Variants in POU5F1B observed in about 807,000 individuals in gnomAD.
POU5F1B encodes POU domain, class 5, transcription factor 1B.
In POU5F1B, 24 loss-of-function variants were observed where a neutral mutation model predicts 28.1. That is an observed-to-expected ratio of 0.85 (90% confidence interval 0.62 to 1.20). POU5F1B has a LOEUF of 1.20. POU5F1B is among the 50% of genes most tolerant of loss of function. The probability of loss-of-function intolerance (pLI) is 0.00; values close to 1 mark genes in which losing one functional copy is unlikely to be tolerated. For synonymous variants in POU5F1B, 220 were observed against 193.2 expected, an observed-to-expected ratio of 1.14 and a Z score of -1.15; for missense variants, 451 against 451.5, an observed-to-expected ratio of 1.00 and a Z score of 0.01.
intron 1 of POU5F1B, chr8:127,414,868 C>T (rs1586474402): frequency 6.6e-6 from 1 of 152,248 alleles, no homozygotes; most frequent in African/African-American, 2.4e-5. Flanking sequence ...GTGGCTTCTT[C>T]CCTGCTCTCT....
exon 3 of POU5F1B, chr8:127,416,902 C>T (rs761284971): frequency 3.4e-5 from 55 of 1,600,364 alleles, no homozygotes; most frequent in Non-Finnish European, 4.3e-5. Flanking sequence ...AGTCTTTCCC[C>T]CAGTCTCCGT....
At chr8:127,414,412 T>G (rs1815101452) in intron 1 of POU5F1B, among the ~76,000 whole-genome samples, 1 of 152,174 alleles carries the variant, frequency 6.6e-6, no homozygotes, top group African/African-American at 2.4e-5. Context: ...AGAAGAGGGT[T>G]GCCACATTAT....
At chr8:127,413,845 A>T (rs1211682053) in intron 1 of POU5F1B, among the ~76,000 whole-genome samples, 1 of 129,442 alleles carries the variant, frequency 7.7e-6, no homozygotes, top group East Asian at 2.3e-4. Context: ...TGTGCTTCTT[A>T]AAAAAAGGTG....
chr8:127,415,718 T>G, exon 3 of POU5F1B: 2 of 1,282,716 alleles, frequency 1.6e-6, no homozygotes, highest in Non-Finnish European at 2.1e-6. Flanking sequence ...TCCTAACACA[T>G]TCAGTCAACA....
At position 127,415,939 on chromosome 8, in the gene POU5F1B, G is replaced by A. The variant is rs751627167; in HGVS notation, c.73G>A (p.Ala25Thr). The A allele has an allele frequency of 3.2e-6, 5 of 1,560,266 alleles. No individual in the cohort carries two copies. The highest frequency in any genetic ancestry group is 1.2e-5 in the South Asian group (1 of 84,668). The change falls in exon 3 of 3, where the codon GCG becomes ACG. Residue 25 changes from alanine to threonine, a missense_variant. Ala to Thr is a moderately conservative substitution (Grantham distance 58, BLOSUM62 0). Around this residue, in one of 3 missense-constraint regions of POU5F1B, gnomAD observed 233 missense variants for 210.7 expected, o/e 1.11. Transcript: ENST00000465342. ...CGGTGGGGGTGATGGGCCATGGGGG[G>A]CGGAGCCGGGCTGGGTTGATCCTCT...
exon 3 of POU5F1B, chr8:127,417,152 C>G: frequency 3.7e-6 from 2 of 545,966 alleles, no homozygotes; most frequent in Admixed American, 7.6e-5. Context: ...AATCCCACAT[C>G]ATGTATCACT....
chr8:127,416,647 C>T (rs1361238040), exon 3 of POU5F1B: 1 of 1,601,456 alleles, frequency 6.2e-7, no homozygotes. Flanking sequence ...GCAGATCAGC[C>T]ACATCGCCCA....
At chr8:127,417,005 C>T (rs943769340) in exon 3 of POU5F1B, 1 of 1,562,944 alleles carries the variant, frequency 6.4e-7, no homozygotes, top group Non-Finnish European at 8.7e-7. Flanking sequence ...GAAAGAGAAC[C>T]TGGAGTTTGT....
chr8:127,416,041 G>C (rs779438015), exon 3 of POU5F1B: 1 of 1,607,282 alleles, frequency 6.2e-7, no homozygotes, highest in South Asian at 1.1e-5. Flanking sequence ...TGAGGTGTGG[G>C]GGATTCCCCC....
intron 1 of POU5F1B, among the ~76,000 whole-genome samples, chr8:127,413,687 G>A (rs1381384627): frequency 6.6e-6 from 1 of 152,174 alleles, no homozygotes; most frequent in Non-Finnish European, 1.5e-5. Context: ...GATTTTCATG[G>A]TTCAAATCTA....
chr8:127,416,141 C>A lies in POU5F1B; in HGVS notation c.275C>A (p.Thr92Asn). Residue 92 changes from threonine to asparagine, a missense_variant, in exon 3 of 3, where the codon ACC becomes AAC. Around this residue, in one of 3 missense-constraint regions of POU5F1B, gnomAD observed 233 missense variants for 210.7 expected, o/e 1.11. Coordinates refer to ENST00000465342, the Ensembl canonical transcript of POU5F1B. ...CTAGTGCCCCAAGGCGGCTTGGAGA[C>A]CTCTCAGCCTGAGAGCGAAGCAGGA... 3.7e-6 allele frequency: 6 copies of A among 1,613,712 alleles called. No homozygotes were observed. The highest frequency in any genetic ancestry group is 5.1e-6 in the Non-Finnish European group (6 of 1,179,856).
chr8:127,417,206 A>AAAG lies in POU5F1B; in HGVS notation c.*262_*263insGAA, dbSNP rs1554608605. On this transcript the variant is annotated 3_prime_UTR_variant, in exon 3 of 3. Transcript: ENST00000465342. ...GCCTGGGACACAGTAAAAAAAAAAAAAAAAGAAAGAAAAGAAAAGTAACAT... is the reference window on the plus strand; with the variant it reads ...GCCTGGGACACAGTAAAAAAAAAAAAAAGAAAAGAAAGAAAAGAAAAGTAACAT... The AAAG allele has an allele frequency of 5.4e-3, 1,587 of 295,028 alleles. 25 individuals are homozygous for AAAG. The African/African-American group carries it at 0.066, about 12-fold the overall frequency. The allele number at this position is 295,028 out of a possible 1,614,324, so 18.3% of individuals were successfully genotyped here. A position where few individuals can be genotyped will look rare whatever the true frequency, so the allele number is the denominator to read the frequency against.
chr8:127,417,194 TAAAAA>T, exon 3 of POU5F1B: 4 of 245,386 alleles, frequency 1.6e-5, no homozygotes, highest in Non-Finnish European at 2.2e-5. Context: ...TGGGACACAG[TAAAAA>T]AAAAAAAAAA....
chr8:127,416,962 A>G lies in POU5F1B; in HGVS notation c.*16A>G. 1 of 1,595,670 alleles carries G rather than the reference A, an allele frequency of 6.3e-7. No individual in the cohort carries two copies. On this transcript the variant is annotated 3_prime_UTR_variant, in exon 3 of 3. Coordinates refer to ENST00000465342, the Ensembl canonical transcript of POU5F1B. ...TTCAAACTGAGGTGCCTGCCCTTCT[A>G]GGAATGGGGAACAGGGGAGGGGAGG... is the stretch of plus-strand genomic sequence containing the variant.
intron 2 of POU5F1B, chr8:127,415,162 A>G (rs1276122497): frequency 1.3e-5 from 2 of 152,226 alleles, no homozygotes; most frequent in East Asian, 1.9e-4. Flanking sequence ...CACAATTGCT[A>G]TTTTACAAAA....
intron 1 of POU5F1B, among the ~76,000 whole-genome samples, chr8:127,414,587 T>C (rs75678987): frequency 1.3e-5 from 2 of 152,224 alleles, no homozygotes; most frequent in Non-Finnish European, 2.9e-5. Context: ...TTACTCAATG[T>C]TTAAACATTT....
At chr8:127,415,991 C>T (rs1255451609) in exon 3 of POU5F1B, 1 of 1,589,734 alleles carries the variant, frequency 6.3e-7, no homozygotes, top group South Asian at 1.1e-5. Flanking sequence ...CAAGGCCCTC[C>T]TGGAGGGCCA....
chr8:127,415,887 G>T lies in POU5F1B; in HGVS notation c.21G>T (p.Ser7=), dbSNP rs1292544763. ...TCCCCATGGCGGGACACCTGGCTTC[G>T]GATTTCGCCTTCTCGCCCCCTCCAG... The change falls in exon 3 of 3, where the codon TCG becomes TCT. Residue 7 remains serine (S), a synonymous_variant. Coordinates refer to ENST00000465342, the Ensembl canonical transcript of POU5F1B. The T allele has an allele frequency of 2.6e-6, 4 of 1,532,616 alleles. No homozygotes were observed. The East Asian group carries it at 9.5e-5, about 36-fold the overall frequency. The allele number at this position is 1,532,616 out of a possible 1,614,324, so 94.9% of individuals were successfully genotyped here. A position where few individuals can be genotyped will look rare whatever the true frequency, so the allele number is the denominator to read the frequency against.
At chr8:127,414,963 G>A (rs557619648) in exon 2 of POU5F1B, 21 of 152,382 alleles carry the variant, frequency 1.4e-4, no homozygotes, top group African/African-American at 4.8e-4. Context: ...CCCACATGGT[G>A]AGCAACTGAG....
Sources: allele counts gnomAD v4.1 joint callset (sites outside exome capture counted in the v4.1 genomes callset), GRCh38; gene constraint gnomAD v4.1.1; regional missense constraint gnomAD v4.1.1; transcripts MANE v1.5; gene names NCBI Gene and HGNC (gene_info 2026-07-23, HGNC 2026-07-21).